The following TMEM270 variants were observed in gnomAD, a reference collection of about 807,000 sequenced individuals.
TMEM270 encodes the protein transmembrane protein 270.
Under a neutral mutation model 29.9 loss-of-function variants are expected in TMEM270, and 30 were observed. The observed-to-expected ratio is 1.00, with a 90% CI of 0.75 to 1.36. The LOEUF is 1.36. Ranked by LOEUF, TMEM270 falls within the 40% of genes most tolerant of loss-of-function variation. The pLI is 0.00. For synonymous variants in TMEM270, 135 were observed against 139.8 expected (o/e 0.97, Z 0.24); for missense variants, 313 against 307.1 (o/e 1.02, Z -0.14).
Position 73,865,135 on chromosome 7 carries a change from C to G in TMEM270, c.215C>G (p.Pro72Arg). Residue 72 changes from proline to arginine, a missense_variant, in exon 2 of 3, where the codon CCC (proline) becomes CGC (arginine). Transcript: ENST00000320531. Reference sequence around the variant, plus strand: ...CTACCCCTGGGAGCTGCAGCCTGCCCCCTGGGCCAGGCTCTCTGGGCTGGG... The same window carrying G: ...CTACCCCTGGGAGCTGCAGCCTGCCGCCTGGGCCAGGCTCTCTGGGCTGGG... ...AHLPLGAAAC[P>R]LGQALWAGLA... is the part of the protein sequence containing the mutation. The G allele has an allele frequency of 6.2e-7, 1 of 1,607,318 alleles. No homozygotes were observed. The highest frequency in any genetic ancestry group is 8.5e-7 in the Non-Finnish European group (1 of 1,175,320).
In TMEM270 at chr7:73,861,383, G is replaced by A. The variant is rs1443698767; in HGVS notation, c.72+117G>A. ...TCCCATCCAGTGGAACGAGGTGGCT[G>A]CCTGCCTTCCAGAATAATCTGACAT... On this transcript the variant is annotated intron_variant, in intron 1 of 2. Coordinates refer to ENST00000320531, the MANE Select transcript of TMEM270 (RefSeq NM_182504.4). 7.6e-6 allele frequency: 7 copies of A among 916,494 alleles called. No individual in the cohort carries two copies. In the East Asian group the frequency reaches 1.8e-4, roughly 24 times the overall value. The allele number at this position is 916,494 out of a possible 1,614,324, so 56.8% of individuals were successfully genotyped here. A position where few individuals can be genotyped will look rare whatever the true frequency, so the allele number is the denominator to read the frequency against.
intron 1 of TMEM270, among the ~76,000 whole-genome samples, chr7:73,864,735 T>C (rs1207487580): frequency 1.3e-5 from 2 of 151,942 alleles, no homozygotes; most frequent in Non-Finnish European, 2.9e-5. Context: ...AAACTCCATC[T>C]CTATTAAAAA....
rs781911600 is a variant in TMEM270, at chr7:73,864,971, G to GTC, written c.73-12_73-11dup. The GTC allele has an allele frequency of 6.2e-6, 9 of 1,450,454 alleles. No individual in the cohort carries two copies. The African/African-American group carries it at 8.6e-5, about 14-fold the overall frequency. The allele number at this position is 1,450,454 out of a possible 1,614,324, so 89.8% of individuals were successfully genotyped here. On this transcript the variant is annotated intron_variant, in intron 1 of 2. Coordinates refer to ENST00000320531, the MANE Select transcript of TMEM270 (RefSeq NM_182504.4). ...AGGAGGGTGATGATGGCTGACGGTT[G>GTC]TCTCTCTCTCTTCTTCTGCAGTTGG...
chr7:73,865,228 G>A lies in TMEM270; in HGVS notation c.308G>A (p.Trp103Ter). ...CCCAGGCTGATGTGGGCTGGCATGT[G>A]GGGCAGCACCAAGGGCCTGGGCCTG... is the stretch of plus-strand genomic sequence containing the variant. Reference protein sequence around the residue: ...QGPRLMWAGMWGSTKGLGLAL... With the variant: ...QGPRLMWAGM The change falls in exon 2 of 3, where the codon TGG becomes TAG. Residue 103 changes from tryptophan to a stop codon, truncating the protein, a stop_gained. Coordinates refer to ENST00000320531, the MANE Select transcript of TMEM270 (RefSeq NM_182504.4). LOFTEE classifies it high-confidence loss of function. 1 of 1,613,686 alleles carries A rather than the reference G, an allele frequency of 6.2e-7. No homozygotes were observed. The highest frequency in any genetic ancestry group is 8.5e-7 in the Non-Finnish European group (1 of 1,180,010).
rs782496722 is a variant in TMEM270 at position 73,865,376 on chromosome 7, G to A, written c.456G>A (p.Val152=). The change falls in exon 2 of 3, where the codon GTG becomes GTA. Residue 152 remains valine, a synonymous_variant. Transcript: ENST00000320531. ...ALLLVVVTWR[V]CQKSHCFRLG... is the part of the protein sequence containing the mutation. ...TCTTGGTGGTAGTGACCTGGAGGGT[G>A]TGTCAGAAGTCCCACTGCTTCCGAC... 6.2e-7 allele frequency: 1 copy of A among 1,613,558 alleles called. No individual in the cohort carries two copies. The highest frequency in any genetic ancestry group is 8.5e-7 in the Non-Finnish European group (1 of 1,179,876).
At chr7:73,861,481 G>A (rs782789840) in intron 1 of TMEM270, 102 of 650,758 alleles carry the variant, frequency 1.6e-4, no homozygotes, top group Non-Finnish European at 2.5e-4. Flanking sequence ...ACAGGGTCTC[G>A]CTCTGTCGCC....
chr7:73,861,220 C>T lies in TMEM270; in HGVS notation c.26C>T (p.Ser9Phe). 1 of 1,613,666 alleles carries T rather than the reference C, an allele frequency of 6.2e-7. No homozygotes were observed. The highest frequency in any genetic ancestry group is 1.1e-5 in the South Asian group (1 of 91,050). ...ATGGAGGCCCTTCCTCCAGTCAGAT[C>T]CAGCCTTTTGGGGATCCTGTTGCAG... Reference protein sequence around the residue: MEALPPVRSSLLGILLQVT... With the variant: MEALPPVRFSLLGILLQVT... The change falls in exon 1 of 3, where the codon TCC becomes TTC. Residue 9 changes from serine to phenylalanine, a missense_variant. By Grantham distance (155) the Ser-to-Phe change is radical. Coordinates refer to ENST00000320531, the MANE Select transcript of TMEM270 (RefSeq NM_182504.4).
Position 73,865,406 on chromosome 7 carries a change from C to T in TMEM270, c.486C>T (p.Gly162=). The change falls in exon 2 of 3, where the codon GGC becomes GGT. Residue 162 remains glycine (G), a synonymous_variant. Transcript: ENST00000320531. ...VCQKSHCFRL[G]RQLSKALQVN... The stretch of plus-strand genomic sequence containing the variant: ...AGAAGTCCCACTGCTTCCGACTGGG[C>T]AGGCAGCTCAGTAAGGTGGGTGGTC... The T allele has an allele frequency of 6.2e-7, 1 of 1,610,618 alleles. No homozygotes were observed. Among genetic ancestry groups the T allele is most frequent in the South Asian group, 1.1e-5 (1 of 90,634 alleles).
rs1554639920 is a variant in TMEM270, at chr7:73,865,809, T to G, written c.734T>G (p.Leu245Arg). Residue 245 changes from leucine to arginine, a missense_variant, in exon 3 of 3, where the codon CTG becomes CGG. Coordinates refer to ENST00000320531, the MANE Select transcript of TMEM270 (RefSeq NM_182504.4). ...EVSGSSLLPS[L>R]SASSDSESGT... ...TCAGGGTCTTCCTTGCTGCCCTCAC[T>G]GTCTGCGTCCTCGGACTCAGAGTCT... 5.6e-6 allele frequency: 9 copies of G among 1,613,866 alleles called. No individual in the cohort carries two copies. In the African/African-American group the frequency reaches 9.3e-5, roughly 17 times the overall value.
Position 73,865,001 on chromosome 7 carries a change from G to T in TMEM270, c.81G>T (p.Gln27His). The change falls in exon 2 of 3, where the codon CAG (glutamine) becomes CAT (histidine). Residue 27 changes from glutamine (Q) to histidine (H), a missense_variant. Transcript: ENST00000320531. ...QVTRLSVLLV[Q>H]NRDHLYNFLL... is the part of the protein sequence containing the mutation. ...TCTCTCTTCTTCTGCAGTTGGTTCA[G>T]AACCGAGATCACCTCTATAATTTCC... 6.7e-7 allele frequency: 1 copy of T among 1,502,068 alleles called. No individual in the cohort carries two copies. The highest frequency in any genetic ancestry group is 1.4e-5 in the South Asian group (1 of 72,642). The allele number at this position is 1,502,068 out of a possible 1,614,324, so 93.0% of individuals were successfully genotyped here.
chr7:73,865,176 G>C lies in TMEM270; in HGVS notation c.256G>C (p.Val86Leu). Reference sequence around the variant, plus strand: ...CTGGGCTGGGCTGGCTCTGATACAGGTCCCCGTATGGCTGGTGCTACAGGG... The same window carrying C: ...CTGGGCTGGGCTGGCTCTGATACAGCTCCCCGTATGGCTGGTGCTACAGGG... ...ALWAGLALIQVPVWLVLQGPR... is the reference protein window; with the variant it reads ...ALWAGLALIQLPVWLVLQGPR... The change falls in exon 2 of 3, where the codon GTC becomes CTC. Residue 86 changes from valine (V) to leucine (L), a missense_variant. By Grantham distance (32) the Val-to-Leu change is conservative (BLOSUM62 1). Coordinates refer to ENST00000320531, the MANE Select transcript of TMEM270 (RefSeq NM_182504.4). 6.2e-7 allele frequency: 1 copy of C among 1,612,988 alleles called. No individual in the cohort carries two copies. The highest frequency in any genetic ancestry group is 8.5e-7 in the Non-Finnish European group (1 of 1,179,232).
chr7:73,865,259 G>T lies in TMEM270; in HGVS notation c.339G>T (p.Leu113Phe). The T allele has an allele frequency of 1.9e-6, 3 of 1,613,568 alleles. No individual in the cohort carries two copies. Among genetic ancestry groups the T allele is most frequent in the Non-Finnish European group, 2.5e-6 (3 of 1,180,044 alleles). Reference protein sequence around the residue: ...WGSTKGLGLALLSAWEQLGLS... With the variant: ...WGSTKGLGLAFLSAWEQLGLS... Reference sequence around the variant, plus strand: ...GCACCAAGGGCCTGGGCCTGGCCTTGCTCAGTGCCTGGGAGCAGCTGGGCC... The same window carrying T: ...GCACCAAGGGCCTGGGCCTGGCCTTTCTCAGTGCCTGGGAGCAGCTGGGCC... The change falls in exon 2 of 3, where the codon TTG (leucine) becomes TTT (phenylalanine). Residue 113 changes from leucine (L) to phenylalanine (F), a missense_variant. Physicochemically the swap from Leu to Phe is conservative, Grantham distance 22. Coordinates refer to ENST00000320531, the MANE Select transcript of TMEM270 (RefSeq NM_182504.4).
At chr7:73,861,043 G>T, upstream of TMEM270, 1 of 729,056 alleles carries the variant, frequency 1.4e-6, no homozygotes. Context: ...CGTGGACTGA[G>T]GTTTCAGAGG....
intron 1 of TMEM270, 26 bp from the exon 2 acceptor site, chr7:73,864,967 G>A (rs374973138): frequency 2.2e-4 from 315 of 1,448,988 alleles, no homozygotes; most frequent in Non-Finnish European, 2.6e-4. Context: ...GATGGCTGAC[G>A]GTTGTCTCTC....
At chr7:73,865,492 T>C in intron 2 of TMEM270, 71 bp downstream of exon 2, 1 of 1,580,282 alleles carries the variant, frequency 6.3e-7, no homozygotes, top group South Asian at 1.2e-5. Flanking sequence ...CAGGGCTGGC[T>C]GGGCTTGCAG....
chr7:73,863,276 G>A (rs556890388), intron 1 of TMEM270, among the ~76,000 whole-genome samples: 18 of 152,114 alleles, frequency 1.2e-4, no homozygotes, highest in Non-Finnish European at 2.1e-4. Flanking sequence ...CTCTGATGAA[G>A]GGTCTCCAGG....
intron 1 of TMEM270, among the ~76,000 whole-genome samples, chr7:73,864,505 G>T (rs1251819718): frequency 6.6e-6 from 1 of 152,118 alleles, no homozygotes; most frequent in Non-Finnish European, 1.5e-5. Flanking sequence ...TCAGAAGGGA[G>T]TCCTTCAAAG....
chr7:73,864,287 C>T (rs1788852057), intron 1 of TMEM270, among the ~76,000 whole-genome samples: 2 of 149,540 alleles, frequency 1.3e-5, no homozygotes, highest in Admixed American at 1.3e-4. Context: ...ATTAGCCAGG[C>T]ATGGTGGCAT....
chr7:73,864,950 G>T (rs1554639708), intron 1 of TMEM270, 43 bp from the exon 2 acceptor site: 1 of 1,417,596 alleles, frequency 7.1e-7, no homozygotes, highest in Admixed American at 2.6e-5. Flanking sequence ...TGTCCCAGGA[G>T]GGTGATGATG....
Sources: allele counts gnomAD v4.1 joint callset (sites outside exome capture counted in the v4.1 genomes callset), GRCh38; gene constraint gnomAD v4.1.1; transcripts MANE v1.5; gene names NCBI Gene and HGNC (gene_info 2026-07-23, HGNC 2026-07-21).